The following CC2D1A variants were observed in gnomAD, a reference collection of about 807,000 sequenced individuals.
The protein encoded by CC2D1A is coiled-coil and C2 domain containing 1A.
A neutral mutation model predicts 123.8 loss-of-function variants in CC2D1A; 68 were observed. The observed-to-expected ratio is 0.55, with a 90% CI of 0.45 to 0.67. CC2D1A has a LOEUF of 0.67. CC2D1A is among the 30% of genes least tolerant of loss of function. The pLI, the probability that CC2D1A is intolerant of heterozygous loss-of-function variation, is 0.00. For synonymous variants in CC2D1A, 477 were observed against 528.0 expected (o/e 0.90, Z 1.32); for missense variants, 1,185 against 1,290.3 (o/e 0.92, Z 1.25).
chr19:13,929,407 G>A lies in CC2D1A; in HGVS notation c.2548G>A (p.Val850Met). The A allele has an allele frequency of 1.2e-6, 2 of 1,613,584 alleles. No homozygotes were observed. The highest frequency in any genetic ancestry group is 4.5e-5 in the East Asian group (2 of 44,790). Residue 850 changes from valine (V) to methionine (M), a missense_variant, in exon 25 of 29, where the codon GTG becomes ATG. Val to Met is a conservative substitution (Grantham distance 21). Transcript: ENST00000318003. ...AGCCCGGCCCCTGCATAGCCTCAGT[G>A]TGCTGGCGTTTGACCAAGAGCGTCT... ...RSARPLHSLS[V>M]LAFDQERLER...
At chr19:13,927,629 T>A (rs1273655319) in intron 22 of CC2D1A, 3 of 475,700 alleles carry the variant, frequency 6.3e-6, no homozygotes, top group East Asian at 3.8e-5. Flanking sequence ...TACAAAAAAA[T>A]TAGCCAGGCA....
intron 2 of CC2D1A, among the ~76,000 whole-genome samples, chr19:13,911,776 C>T (rs571572311): frequency 1.0e-4 from 14 of 139,246 alleles, no homozygotes; most frequent in African/African-American, 1.6e-4. Context: ...AGTACAGTGG[C>T]GCGATCTTGG....
chr19:13,912,232 G>A (rs1347267173), intron 2 of CC2D1A, 91 bp from the exon 3 acceptor site: 9 of 1,373,954 alleles, frequency 6.6e-6, no homozygotes, highest in Middle Eastern at 2.4e-4. Context: ...GGAAGTCAGC[G>A]AGAAGTGGGA....
At position 13,920,881 on chromosome 19, in the gene CC2D1A, C is replaced by A; in HGVS notation, c.1600C>A (p.Leu534Met). 6.2e-7 allele frequency: 1 copy of A among 1,614,038 alleles called. No homozygotes were observed. The highest frequency in any genetic ancestry group is 8.5e-7 in the Non-Finnish European group (1 of 1,180,008). The change falls in exon 14 of 29, where the codon CTG becomes ATG. Residue 534 changes from leucine to methionine, a missense_variant. Leu to Met is a conservative substitution (Grantham distance 15, BLOSUM62 2). Coordinates refer to ENST00000318003, the MANE Select transcript of CC2D1A (RefSeq NM_017721.5). ...CCAAGCCAAGGGACTGGAGCCTATG[C>A]TGGAGGCCTCGCGCAATGGGCTGCC... ...LRQAKGLEPMLEASRNGLPVD... is the reference protein window; with the variant it reads ...LRQAKGLEPMMEASRNGLPVD...
intron 14 of CC2D1A, among the ~76,000 whole-genome samples, chr19:13,922,677 T>A (rs1971449356): frequency 6.6e-6 from 1 of 152,182 alleles, no homozygotes; most frequent in South Asian, 2.1e-4. Flanking sequence ...GGGATTTTGT[T>A]CTCTCTTCTT....
intron 22 of CC2D1A, 117 bp downstream of exon 22, chr19:13,927,382 C>T: frequency 1.3e-6 from 1 of 778,290 alleles, no homozygotes; most frequent in Non-Finnish European, 2.2e-6. Context: ...AGCCCCTCCC[C>T]TCAGAGCCTC....
chr19:13,909,996 C>G (rs1970941361), intron 2 of CC2D1A, 38 bp downstream of exon 2: 1 of 1,496,620 alleles, frequency 6.7e-7, no homozygotes, highest in Non-Finnish European at 8.9e-7. Flanking sequence ...ATTTTCTGAT[C>G]TCCTGCAAGT....
At chr19:13,925,574 CA>C (rs113314879) in intron 17 of CC2D1A, among the ~76,000 whole-genome samples, 2 of 143,440 alleles carry the variant, frequency 1.4e-5, no homozygotes, top group Non-Finnish European at 1.5e-5. Flanking sequence ...GAGACTGTCT[CA>C]AAAAAAAAAG....
chr19:13,908,740 C>G (rs1970885655), intron 1 of CC2D1A, among the ~76,000 whole-genome samples: 1 of 152,184 alleles, frequency 6.6e-6, no homozygotes. Flanking sequence ...GCTCTTGAAG[C>G]CCAACCTTCC....
chr19:13,925,135 C>T (rs960271653), intron 17 of CC2D1A, among the ~76,000 whole-genome samples: 2 of 152,214 alleles, frequency 1.3e-5, no homozygotes. Flanking sequence ...ACACTCCACT[C>T]TCCCCTCTCT....
intron 6 of CC2D1A, among the ~76,000 whole-genome samples, chr19:13,914,174 G>A (rs1378855575): frequency 4.0e-5 from 6 of 151,374 alleles, no homozygotes; most frequent in Admixed American, 3.3e-4. Flanking sequence ...CACTGTGCCC[G>A]GCTTTTTTTA....
chr19:13,925,010 C>T (rs1404352724), intron 17 of CC2D1A, among the ~76,000 whole-genome samples: 1 of 152,188 alleles, frequency 6.6e-6, no homozygotes, highest in Non-Finnish European at 1.5e-5. Context: ...CTTCCGCCTT[C>T]ACCCTCTTCC....
At chr19:13,907,311 TAAG>T (rs1194611603) in intron 1 of CC2D1A, among the ~76,000 whole-genome samples, 1 of 151,880 alleles carries the variant, frequency 6.6e-6, no homozygotes, top group African/African-American at 2.4e-5. Context: ...CTTGGGAGGC[TAAG>T]AAGGGAGGAT....
Position 13,927,043 on chromosome 19 carries a change from A to G in CC2D1A, c.2191A>G (p.Thr731Ala). The change falls in exon 21 of 29, where the codon ACC (threonine) becomes GCC (alanine). Residue 731 changes from threonine to alanine, a missense_variant. Thr to Ala is a moderately conservative substitution (Grantham distance 58). Coordinates refer to ENST00000318003, the MANE Select transcript of CC2D1A (RefSeq NM_017721.5). ...SHRGFRRAIQ[T>A]KGIKFEVVHK... ...CCGTGGCTTCCGAAGGGCCATCCAG[A>G]CCAAGGGCATCAAGTTCGAAGTGGT... 6.2e-7 allele frequency: 1 copy of G among 1,614,082 alleles called. No homozygotes were observed. The highest frequency in any genetic ancestry group is 8.5e-7 in the Non-Finnish European group (1 of 1,180,012).
intron 1 of CC2D1A, among the ~76,000 whole-genome samples, chr19:13,907,024 A>G (rs1359379701): frequency 1.3e-5 from 2 of 152,184 alleles, no homozygotes; most frequent in Non-Finnish European, 2.9e-5. Flanking sequence ...GGAGCCCAGG[A>G]CATAGCTTGG....
rs1160958891 is a variant in CC2D1A at position 13,906,787 on chromosome 19, G to A, written c.60+286G>A. ...GACACATCAAACCCTTGCATCAGTC[G>A]GGCCATGTCAGACTCTTTTTATTCC... On this transcript the variant is annotated intron_variant, in intron 1 of 28. Transcript: ENST00000318003. The surrounding 1 kb of genome is among the most constrained non-coding windows in gnomAD (Gnocchi z 4.1). 6.6e-6 allele frequency among the ~76,000 whole-genome samples: 1 copy of A among 152,208 alleles called. No individual in the cohort carries two copies. Among genetic ancestry groups the A allele is most frequent in the African/African-American group, 2.4e-5 (1 of 41,450 alleles).
chr19:13,926,628 C>A (rs1445559628), intron 18 of CC2D1A, 38 bp downstream of exon 18: 1 of 1,614,116 alleles, frequency 6.2e-7, no homozygotes. Context: ...GTCATGGGGA[C>A]CCCCTCTCTG....
At position 13,906,769 on chromosome 19, in the gene CC2D1A, C is replaced by G. The variant is rs371596861; in HGVS notation, c.60+268C>G. Among the ~76,000 whole-genome samples, 76 of 152,364 alleles carry G rather than the reference C, an allele frequency of 5.0e-4. 1 individual carries two copies. The East Asian group carries it at 9.4e-3, about 19-fold the overall frequency. On this transcript the variant is annotated intron_variant, in intron 1 of 28. Coordinates refer to ENST00000318003, the MANE Select transcript of CC2D1A (RefSeq NM_017721.5). The surrounding 1 kb of genome is among the most constrained non-coding windows in gnomAD (Gnocchi z 4.1). ...GGGGCAGTCCTCGGACTTGACACATCAAACCCTTGCATCAGTCGGGCCATG... is the reference window on the plus strand; with the variant it reads ...GGGGCAGTCCTCGGACTTGACACATGAAACCCTTGCATCAGTCGGGCCATG...
At chr19:13,925,608 G>C (rs181750011) in intron 17 of CC2D1A, among the ~76,000 whole-genome samples, 8 of 149,272 alleles carry the variant, frequency 5.4e-5, no homozygotes, top group Admixed American at 4.0e-4. Context: ...ATGAATAGAA[G>C]GTCCCCCAGC....
Sources: allele counts gnomAD v4.1 joint callset (sites outside exome capture counted in the v4.1 genomes callset), GRCh38; gene constraint gnomAD v4.1.1; non-coding constraint Gnocchi (gnomAD v3.1); transcripts MANE v1.5; gene names NCBI Gene and HGNC (gene_info 2026-07-23, HGNC 2026-07-21).